Variants in HDAC4 observed in about 807,000 individuals in gnomAD.
HDAC4 encodes histone deacetylase 4.
Under a neutral mutation model 135.1 loss-of-function variants are expected in HDAC4, and 16 were observed. The observed-to-expected ratio is 0.12, with a 90% CI of 0.08 to 0.18. The LOEUF is 0.18. Ranked by LOEUF, HDAC4 falls within the 10% of genes least tolerant of loss-of-function variation. The pLI is 1.00. For synonymous variants in HDAC4, 685 were observed against 653.4 expected (o/e 1.05, Z -0.74); for missense variants, 1,143 against 1,511.8 (o/e 0.76, Z 4.05).
At chr2:239,153,373 A>T (rs1000610782) in intron 7 of HDAC4, among the ~76,000 whole-genome samples, 1 of 152,220 alleles carries the variant, frequency 6.6e-6, no homozygotes, top group Non-Finnish European at 1.5e-5. Context: ...TCTACATCAC[A>T]ATTATTAAAG....
intron 22 of HDAC4, among the ~76,000 whole-genome samples, chr2:239,073,955 A>AGCAGGACTGAGGGGGGCC (rs1266192564): frequency 5.3e-5 from 8 of 151,476 alleles, no homozygotes; most frequent in East Asian, 2.0e-4. Flanking sequence ...CCTAATGGGC[A>AGCAGGACTGAGGGGGGCC]GCAGGACTGA....
chr2:239,156,132 A>C (rs954607287), intron 7 of HDAC4, among the ~76,000 whole-genome samples: 4 of 152,228 alleles, frequency 2.6e-5, no homozygotes. Flanking sequence ...CTTAGGACAG[A>C]ACTGTGGCAC....
At chr2:239,229,633 T>C (rs2047428286) in intron 3 of HDAC4, among the ~76,000 whole-genome samples, 1 of 152,132 alleles carries the variant, frequency 6.6e-6, no homozygotes, top group East Asian at 1.9e-4. Context: ...GCAACACATG[T>C]AAGGTATATA....
At chr2:239,197,071 A>G (rs1205098533) in intron 3 of HDAC4, among the ~76,000 whole-genome samples, 1 of 152,140 alleles carries the variant, frequency 6.6e-6, no homozygotes, top group Non-Finnish European at 1.5e-5. Flanking sequence ...CCTTTGTCCC[A>G]GCCATCGTCT....
rs1477692130 is a variant in HDAC4, at chr2:239,134,362, G to C, written c.1177C>G (p.Leu393Val). The change falls in exon 11 of 27, where the codon CTC becomes GTC. Residue 393 changes from leucine to valine, a missense_variant. Around this residue, in one of 9 missense-constraint regions of HDAC4, gnomAD observed 272 missense variants for 309.7 expected, o/e 0.88. Coordinates refer to ENST00000543185, the MANE Select transcript of HDAC4 (RefSeq NM_001378414.1). ...GGCGAGGTGCTCAGGTAGGGAGTGA[G>C]GTGGGTGCCGGGGAAAAGGGAGAGC... is the stretch of plus-strand genomic sequence containing the variant. ...QRLSLFPGTH[L>V]TPYLSTSPLE... 8.7e-6 allele frequency: 14 copies of C among 1,614,052 alleles called. No individual in the cohort carries two copies. The South Asian group carries it at 1.4e-4, about 16-fold the overall frequency.
At chr2:239,208,693 C>T (rs1266086043) in intron 3 of HDAC4, among the ~76,000 whole-genome samples, 2 of 151,348 alleles carry the variant, frequency 1.3e-5, no homozygotes, top group Non-Finnish European at 2.9e-5. Context: ...ACAGGGAAGT[C>T]AATAGAGCTA....
chr2:239,391,040 C>G (rs1056553437), intron 1 of HDAC4, among the ~76,000 whole-genome samples: 1 of 152,250 alleles, frequency 6.6e-6, no homozygotes, highest in African/African-American at 2.4e-5. Context: ...GTCCATCAGA[C>G]CGCTCGAGTC....
intron 13 of HDAC4, among the ~76,000 whole-genome samples, chr2:239,113,763 C>T (rs534937555): frequency 1.3e-5 from 2 of 152,174 alleles, no homozygotes; most frequent in South Asian, 4.1e-4. Flanking sequence ...CTGGGCCTGT[C>T]GGACAGGACC....
intron 1 of HDAC4, among the ~76,000 whole-genome samples, chr2:239,366,787 A>AATAAGTGATCAG (rs1559387516): frequency 2.7e-5 from 4 of 149,718 alleles, no homozygotes; most frequent in African/African-American, 1.0e-4. Flanking sequence ...GATGGCTGCA[A>AATAAGTGATCAG]CCCCACGAAG....
chr2:239,211,815 G>A (rs1295542485), intron 3 of HDAC4, among the ~76,000 whole-genome samples: 1 of 152,160 alleles, frequency 6.6e-6, no homozygotes, highest in Non-Finnish European at 1.5e-5. Flanking sequence ...AACTGATCAT[G>A]CCTTTGCTTT....
At chr2:239,136,088 C>T (rs2040934938) in intron 9 of HDAC4, among the ~76,000 whole-genome samples, 1 of 152,146 alleles carries the variant, frequency 6.6e-6, no homozygotes, top group Non-Finnish European at 1.5e-5. Flanking sequence ...AGTAGCTACT[C>T]AAGGAATGTC....
At chr2:239,395,439 CAAATGCCCCT>C (rs759154061) in intron 1 of HDAC4, among the ~76,000 whole-genome samples, 1 of 152,222 alleles carries the variant, frequency 6.6e-6, no homozygotes, top group Non-Finnish European at 1.5e-5. Flanking sequence ...GTTAGAAAAA[CAAATGCCCCT>C]AAATTCTTCT....
At chr2:239,156,801 T>C (rs1027250411) in intron 6 of HDAC4, 28 bp from the exon 7 acceptor site, 1 of 1,613,896 alleles carries the variant, frequency 6.2e-7, no homozygotes, top group Admixed American at 1.7e-5. Context: ...ACAGATGGTT[T>C]AGTTTACCCA....
intron 5 of HDAC4, among the ~76,000 whole-genome samples, chr2:239,168,614 C>T (rs940788913): frequency 2.0e-5 from 3 of 152,254 alleles, no homozygotes; most frequent in Admixed American, 6.5e-5. Context: ...TTTTCAAATG[C>T]TTAGATGCTG....
intron 4 of HDAC4, among the ~76,000 whole-genome samples, chr2:239,181,523 AACTT>A (rs2044150612): frequency 1.3e-5 from 2 of 152,240 alleles, no homozygotes; most frequent in Admixed American, 6.5e-5. Flanking sequence ...CCATGGCAAA[AACTT>A]AATTCCGAAC....
intron 1 of HDAC4, among the ~76,000 whole-genome samples, chr2:239,353,139 G>A (rs915381168): frequency 1.4e-4 from 22 of 152,050 alleles, no homozygotes; most frequent in African/African-American, 4.8e-4. Context: ...TCAGCCTCCC[G>A]AGTAGCTGGG....
chr2:239,156,505 C>G, intron 7 of HDAC4, 147 bp downstream of exon 7: 2 of 963,248 alleles, frequency 2.1e-6, no homozygotes, highest in Non-Finnish European at 3.2e-6. Flanking sequence ...CTTTTAAAAA[C>G]GATGCTCTAT....
At chr2:239,208,406 T>A (rs2046186976) in intron 3 of HDAC4, among the ~76,000 whole-genome samples, 1 of 150,730 alleles carries the variant, frequency 6.6e-6, no homozygotes, top group African/African-American at 2.4e-5. Flanking sequence ...CAACTCACCG[T>A]TAATTATGAT....
chr2:239,302,551 G>A lies in HDAC4; in HGVS notation c.22+50127C>T, dbSNP rs1424086418. Among the ~76,000 whole-genome samples the A allele has an allele frequency of 3.3e-5, 5 of 152,220 alleles. No individual in the cohort carries two copies. In the East Asian group the frequency reaches 9.6e-4, roughly 29 times the overall value. On this transcript the variant is annotated intron_variant, in intron 2 of 26. Transcript: ENST00000543185. ...AGAATCCACGTGGGGCCATGACCAAGCACTCCAAACACTGCAGCGGGCGCT... is the reference window on the plus strand; with the variant it reads ...AGAATCCACGTGGGGCCATGACCAAACACTCCAAACACTGCAGCGGGCGCT...
Sources: allele counts gnomAD v4.1 joint callset (sites outside exome capture counted in the v4.1 genomes callset), GRCh38; gene constraint gnomAD v4.1.1; regional missense constraint gnomAD v4.1.1; transcripts MANE v1.5; gene names NCBI Gene and HGNC (gene_info 2026-07-23, HGNC 2026-07-21).